Variants in TMCO5A observed in about 807,000 individuals in gnomAD.
TMCO5A encodes transmembrane and coiled-coil domains 5A, also known as transmembrane and coiled-coil domain-containing protein 5A.
Under a neutral mutation model 42.3 loss-of-function variants are expected in TMCO5A, and 34 were observed. The ratio of observed to expected loss-of-function variants is 0.80; its 90% CI spans 0.61 to 1.07. The LOEUF is 1.07. Ranked by LOEUF, TMCO5A falls within the 50% of genes least tolerant of loss-of-function variation. TMCO5A has a pLI of 0.00. For synonymous variants in TMCO5A, 131 were observed against 115.6 expected (o/e 1.13, Z -0.86); for missense variants, 357 against 327.9 (o/e 1.09, Z -0.69).
intron 10 of TMCO5A, chr15:37,944,176 GT>G (rs1889851908): frequency 6.6e-6 from 1 of 152,044 alleles, no homozygotes; most frequent in South Asian, 2.1e-4. Flanking sequence ...TTGTGTTTGG[GT>G]CATCCAAATG....
downstream of TMCO5A, among the ~76,000 whole-genome samples, chr15:37,969,062 G>C (rs1890623933): frequency 6.6e-6 from 1 of 152,176 alleles, no homozygotes. Flanking sequence ...AGGAGAGACA[G>C]ATATATCACG....
In TMCO5A at chr15:37,951,219, C is replaced by T; in HGVS notation, c.852C>T (p.Asp284=). 6.2e-7 allele frequency: 1 copy of T among 1,613,572 alleles called. No individual in the cohort carries two copies. Among genetic ancestry groups the T allele is most frequent in the East Asian group, 2.2e-5 (1 of 44,844 alleles). The change falls in exon 12 of 12, where the codon GAC becomes GAT. Residue 284 remains aspartate (D), a synonymous_variant. Transcript: ENST00000319669. The part of the protein sequence containing the change: ...FFPSLTLETE[D]MLPH ...CATCTCTCACACTTGAGACAGAGGA[C>T]ATGTTACCCCACTGATTCCCTAAGA...
In TMCO5A at chr15:37,936,847, G is replaced by A. The variant is rs1400522155; in HGVS notation, c.141G>A (p.Arg47=). The A allele has an allele frequency of 6.2e-7, 1 of 1,611,360 alleles. No individual in the cohort carries two copies. Among genetic ancestry groups the A allele is most frequent in the Non-Finnish European group, 8.5e-7 (1 of 1,178,732 alleles). The part of the protein sequence containing the change: ...KIQEREDKIQ[R]LESEIIQTRG... ...CATGGCATGTGCTTGTGTTGTCCAGGCTGGAAAGTGAGATCATTCAGACGC... is the reference window on the plus strand; with the variant it reads ...CATGGCATGTGCTTGTGTTGTCCAGACTGGAAAGTGAGATCATTCAGACGC... The change falls in exon 4 of 12, where the codon AGG becomes AGA. Residue 47 remains arginine (R), a splice_region_variant and synonymous_variant. Coordinates refer to ENST00000319669, the MANE Select transcript of TMCO5A (RefSeq NM_152453.4).
At chr15:38,023,076 C>T in the TMCO5A span, among the ~76,000 whole-genome samples, 1 of 152,044 alleles carries the variant, frequency 6.6e-6, no homozygotes, top group African/African-American at 2.4e-5. Context: ...GTCTAAAGAT[C>T]ATCTGGAAAT....
intron 11 of TMCO5A, among the ~76,000 whole-genome samples, chr15:37,950,494 T>A (rs759470966): frequency 5.3e-5 from 8 of 151,902 alleles, no homozygotes; most frequent in African/African-American, 1.9e-4. Context: ...CTCTTACAAA[T>A]CAATAAGAAA....
the TMCO5A span, among the ~76,000 whole-genome samples, chr15:38,029,354 G>A: frequency 7.3e-6 from 1 of 137,386 alleles, no homozygotes; most frequent in South Asian, 2.4e-4. Context: ...ACAAACATGT[G>A]TGCATGAATA....
rs1889561859 is a variant in TMCO5A, at chr15:37,937,490, T to C, written c.315+94T>C. ...GGGGAAGTGATCATAGAGGAACCCA[T>C]AAGTCAGAGAGGCCTGTATGTGGAG... On this transcript the variant is annotated intron_variant, in intron 5 of 11. Coordinates refer to ENST00000319669, the MANE Select transcript of TMCO5A (RefSeq NM_152453.4). 1.8e-5 allele frequency: 24 copies of C among 1,370,038 alleles called. No individual in the cohort carries two copies. The South Asian group carries it at 2.9e-4, about 16-fold the overall frequency. 84.9% of individuals were successfully genotyped at this position (1,370,038 alleles called of 1,614,324 possible).
the TMCO5A span, among the ~76,000 whole-genome samples, chr15:38,038,699 C>A: frequency 6.6e-6 from 1 of 152,188 alleles, no homozygotes; most frequent in Non-Finnish European, 1.5e-5. Flanking sequence ...AGCCACAACA[C>A]CCGGCCTCGG....
chr15:37,959,192 C>T (rs1890363539), intron 11 of TMCO5A, among the ~76,000 whole-genome samples: 1 of 151,960 alleles, frequency 6.6e-6, no homozygotes, highest in African/African-American at 2.4e-5. Flanking sequence ...GTGCAGCAAA[C>T]CACCATGGCA....
chr15:37,942,547 G>T (rs114112838), intron 9 of TMCO5A: 6 of 265,414 alleles, frequency 2.3e-5, no homozygotes, highest in Non-Finnish European at 4.3e-5. Flanking sequence ...ATGTACTTTA[G>T]AAAGAGTTGG....
intron 11 of TMCO5A, among the ~76,000 whole-genome samples, chr15:37,956,516 A>G (rs898265568): frequency 3.3e-5 from 5 of 152,208 alleles, no homozygotes; most frequent in Admixed American, 6.5e-5. Flanking sequence ...TCCTGGATAC[A>G]TACACCCTCC....
the TMCO5A span, among the ~76,000 whole-genome samples, chr15:38,026,609 G>C: frequency 1.7e-4 from 26 of 152,346 alleles, no homozygotes; most frequent in East Asian, 4.6e-3. Flanking sequence ...TCATAAATTT[G>C]CATAAGCAAT....
the TMCO5A span, chr15:37,994,513 C>A: frequency 1.3e-5 from 2 of 152,216 alleles, no homozygotes; most frequent in African/African-American, 4.8e-5. Context: ...ACTAAATATA[C>A]GACTTGATAG....
the TMCO5A span, among the ~76,000 whole-genome samples, chr15:37,983,149 A>G: frequency 3.9e-5 from 6 of 152,140 alleles, no homozygotes; most frequent in South Asian, 4.1e-4. Flanking sequence ...CAGAAAGAGC[A>G]TGTCATGTGC....
the TMCO5A span, among the ~76,000 whole-genome samples, chr15:38,011,240 C>A: frequency 6.6e-6 from 1 of 152,112 alleles, no homozygotes; most frequent in Admixed American, 6.6e-5. Context: ...GAAGAAGGAA[C>A]TAAGGAAGAT....
At chr15:37,950,461 T>C (rs979988770) in intron 11 of TMCO5A, among the ~76,000 whole-genome samples, 1 of 152,114 alleles carries the variant, frequency 6.6e-6, no homozygotes, top group Non-Finnish European at 1.5e-5. Context: ...GGAAAAGGAT[T>C]GATATCAAGA....
chr15:38,007,437 A>C, the TMCO5A span, among the ~76,000 whole-genome samples: 2 of 152,230 alleles, frequency 1.3e-5, no homozygotes, highest in Non-Finnish European at 2.9e-5. Flanking sequence ...CAGGAACTAC[A>C]GTGTGAAGAA....
Position 37,951,098 on chromosome 15 carries a change from T to A in TMCO5A, c.731T>A (p.Phe244Tyr), listed in dbSNP as rs375137866. The A allele has an allele frequency of 7.4e-6, 12 of 1,613,522 alleles. No homozygotes were observed. Among genetic ancestry groups the A allele is most frequent in the African/African-American group, 2.7e-5 (2 of 75,030 alleles). The change falls in exon 12 of 12, where the codon TTT becomes TAT. Residue 244 changes from phenylalanine to tyrosine, a missense_variant. Phe to Tyr is a conservative substitution (Grantham distance 22). Transcript: ENST00000319669. Reference sequence around the variant, plus strand: ...ATCAGACTGCTGAGCTACATGTTTTTTCATGTAAGATTCATAAATCCAGAT... The same window carrying A: ...ATCAGACTGCTGAGCTACATGTTTTATCATGTAAGATTCATAAATCCAGAT... ...FFIRLLSYMF[F>Y]HVRFINPDLL...
At chr15:38,027,303 G>C in the TMCO5A span, among the ~76,000 whole-genome samples, 1 of 152,218 alleles carries the variant, frequency 6.6e-6, no homozygotes, top group Non-Finnish European at 1.5e-5. Flanking sequence ...ACCTGGATGT[G>C]AGACCTGGAG....
Sources: allele counts gnomAD v4.1 joint callset (sites outside exome capture counted in the v4.1 genomes callset), GRCh38; gene constraint gnomAD v4.1.1; transcripts MANE v1.5; gene names NCBI Gene and HGNC (gene_info 2026-07-23, HGNC 2026-07-21).